ENTPD1: variants seen among roughly 807,000 people sequenced by gnomAD.
The protein encoded by ENTPD1 is ATP diphosphohydrolase.
A neutral mutation model predicts 57.0 loss-of-function variants in ENTPD1; 33 were observed. The observed-to-expected ratio is 0.58, with a 90% CI of 0.44 to 0.77. The LOEUF is 0.77. Ranked by LOEUF, ENTPD1 falls within the 30% of genes least tolerant of loss-of-function variation. ENTPD1 has a pLI of 0.00. For synonymous variants in ENTPD1, 202 were observed against 218.8 expected, an observed-to-expected ratio of 0.92 and a Z score of 0.68; for missense variants, 501 against 603.4, an observed-to-expected ratio of 0.83 and a Z score of 1.78.
chr10:95,694,671 AAGAT>A, the ENTPD1 span, among the ~76,000 whole-genome samples: 20,953 of 109,082 alleles, frequency 0.19, 1,565 homozygotes, highest in East Asian at 0.39. Flanking sequence ...ATGGAAATAG[AAGAT>A]TTTTTTCCCC....
chr10:95,739,015 T>C (rs920605594), intron 1 of ENTPD1, among the ~76,000 whole-genome samples: 1 of 152,240 alleles, frequency 6.6e-6, no homozygotes, highest in Admixed American at 6.5e-5. Context: ...GTTTACATTA[T>C]ATTATACATT....
intron 3 of ENTPD1, among the ~76,000 whole-genome samples, chr10:95,841,254 G>A (rs1050006595): frequency 1.3e-5 from 2 of 152,158 alleles, no homozygotes; most frequent in African/African-American, 4.8e-5. Flanking sequence ...AGGCATGGTG[G>A]TGCGTGCCTG....
At chr10:95,720,460 T>A (rs2097976239) in intron 1 of ENTPD1, among the ~76,000 whole-genome samples, 2 of 152,188 alleles carry the variant, frequency 1.3e-5, no homozygotes, top group African/African-American at 4.8e-5. Flanking sequence ...GGGAGAAATA[T>A]CTAGTGACTG....
At chr10:95,798,647 C>T (rs1388893172) in intron 1 of ENTPD1, among the ~76,000 whole-genome samples, 1 of 152,154 alleles carries the variant, frequency 6.6e-6, no homozygotes, top group Non-Finnish European at 1.5e-5. Context: ...GTAAAATTTT[C>T]CTCATTAACT....
At chr10:95,727,877 A>G (rs2097985347) in intron 1 of ENTPD1, among the ~76,000 whole-genome samples, 1 of 152,226 alleles carries the variant, frequency 6.6e-6, no homozygotes, top group Admixed American at 6.5e-5. Flanking sequence ...TAGAATTTTT[A>G]TATGTGGAGT....
At chr10:95,802,088 G>T (rs1023905533) in intron 1 of ENTPD1, among the ~76,000 whole-genome samples, 1 of 152,116 alleles carries the variant, frequency 6.6e-6, no homozygotes, top group Non-Finnish European at 1.5e-5. Context: ...GGTGATCGGG[G>T]TACAGCTTGG....
At chr10:95,773,831 T>A (rs1237462376) in intron 1 of ENTPD1, among the ~76,000 whole-genome samples, 1 of 152,236 alleles carries the variant, frequency 6.6e-6, no homozygotes, top group Non-Finnish European at 1.5e-5. Flanking sequence ...TGATTTATAA[T>A]CCTTTGGGTA....
At chr10:95,782,785 A>T (rs1286395654) in intron 1 of ENTPD1, among the ~76,000 whole-genome samples, 1 of 152,060 alleles carries the variant, frequency 6.6e-6, no homozygotes, top group Non-Finnish European at 1.5e-5. Flanking sequence ...CTATTTTTGA[A>T]TTGATTCTCT....
chr10:95,703,508 G>A, the ENTPD1 span, among the ~76,000 whole-genome samples: 5 of 152,150 alleles, frequency 3.3e-5, no homozygotes, highest in African/African-American at 7.2e-5. Context: ...ATCACTGGGC[G>A]CGGTGGCTCA....
intron 1 of ENTPD1, among the ~76,000 whole-genome samples, chr10:95,777,259 T>G (rs2140149389): frequency 6.6e-6 from 1 of 152,354 alleles, no homozygotes; most frequent in African/African-American, 2.4e-5. Context: ...TCTCCCCATC[T>G]TTGTGGTTTT....
upstream of ENTPD1, among the ~76,000 whole-genome samples, chr10:95,753,001 G>T (rs1456771207): frequency 6.6e-6 from 1 of 152,106 alleles, no homozygotes; most frequent in East Asian, 1.9e-4. Flanking sequence ...TGCATAGGGG[G>T]ATGAACCGGT....
chr10:95,820,172 A>T (rs1320501324), intron 1 of ENTPD1, among the ~76,000 whole-genome samples: 1 of 152,218 alleles, frequency 6.6e-6, no homozygotes, highest in East Asian at 1.9e-4. Flanking sequence ...GGCTTTTGAA[A>T]ACTGGCTGAC....
chr10:95,848,825 C>T (rs1223824913), intron 7 of ENTPD1, among the ~76,000 whole-genome samples: 3 of 152,144 alleles, frequency 2.0e-5, no homozygotes, highest in African/African-American at 7.2e-5. Flanking sequence ...TTAGTTTAGA[C>T]TAATTATTGT....
the ENTPD1 span, chr10:95,694,187 C>T: frequency 2.3e-6 from 1 of 435,310 alleles, no homozygotes; most frequent in Non-Finnish European, 4.1e-6. Context: ...CGCTAGGTGG[C>T]GGTAGGAGTT....
At position 95,874,550 on chromosome 10, in the gene ENTPD1, ATCTACCATTCTGGGG is replaced by A. The variant is rs1002290348; in HGVS notation, c.*8189_*8203del. Among the ~76,000 whole-genome samples the A allele has an allele frequency of 9.9e-5, 15 of 152,190 alleles. No homozygotes were observed. The highest frequency in any genetic ancestry group is 3.4e-3 in the Middle Eastern group (1 of 294). On this transcript the variant is annotated 3_prime_UTR_variant, in exon 10 of 10. Transcript: ENST00000371205. ...GGCACAAGATGCAAGTTGGTGGTTG[ATCTACCATTCTGGGG>A]TCTACCATTCTGGGGTCTACCGTTC...
At chr10:95,705,595 G>A in the ENTPD1 span, among the ~76,000 whole-genome samples, 2 of 152,098 alleles carry the variant, frequency 1.3e-5, no homozygotes, top group Non-Finnish European at 2.9e-5. Flanking sequence ...GGGTTCAAGC[G>A]ATTCTCCTGC....
In ENTPD1 at chr10:95,875,313, C is replaced by A. The variant is rs1473076248; in HGVS notation, c.*8930C>A. ...GATACCCTAAGTCATCTCTCTCAAGCTCTAAGTTCCACAAATCTCTAGGGC... is the reference window on the plus strand; with the variant it reads ...GATACCCTAAGTCATCTCTCTCAAGATCTAAGTTCCACAAATCTCTAGGGC... On this transcript the variant is annotated 3_prime_UTR_variant, in exon 10 of 10. Transcript: ENST00000371205. 1 of 152,292 alleles carries A rather than the reference C, an allele frequency of 6.6e-6. No individual in the cohort carries two copies. The highest frequency in any genetic ancestry group is 1.5e-5 in the Non-Finnish European group (1 of 68,102). 9.4% of individuals were successfully genotyped at this position (152,292 alleles called of 1,614,324 possible).
At chr10:95,776,807 T>C (rs529145506) in intron 1 of ENTPD1, among the ~76,000 whole-genome samples, 2 of 152,346 alleles carry the variant, frequency 1.3e-5, no homozygotes, top group African/African-American at 4.8e-5. Flanking sequence ...CATAGTCCCA[T>C]ATTTCTTGGA....
At chr10:95,811,127 T>C (rs764903518) in intron 1 of ENTPD1, among the ~76,000 whole-genome samples, 15 of 152,170 alleles carry the variant, frequency 9.9e-5, no homozygotes, top group Non-Finnish European at 1.8e-4. Flanking sequence ...CACAGATACA[T>C]AACCCCAGAG....
Sources: allele counts gnomAD v4.1 joint callset (sites outside exome capture counted in the v4.1 genomes callset), GRCh38; gene constraint gnomAD v4.1.1; transcripts MANE v1.5; gene names NCBI Gene and HGNC (gene_info 2026-07-23, HGNC 2026-07-21).